ME3: variants seen among roughly 807,000 people sequenced by gnomAD.
The protein encoded by ME3 is malic enzyme 3.
A neutral mutation model predicts 68.9 loss-of-function variants in ME3; 48 were observed. That is an observed-to-expected ratio of 0.70 (90% CI 0.55 to 0.89). ME3 has a LOEUF of 0.89. Ranked by LOEUF, ME3 falls within the 40% of genes least tolerant of loss-of-function variation. The probability of loss-of-function intolerance (pLI) is 0.00; values close to 1 mark genes in which losing one functional copy is unlikely to be tolerated. For missense variants in ME3, 675 were observed against 797.4 expected, an observed-to-expected ratio of 0.85 and a Z score of 1.85; for synonymous variants, 320 against 318.8, an observed-to-expected ratio of 1.00 and a Z score of -0.04.
chr11:86,598,701 C>G (rs955474021), intron 2 of ME3, among the ~76,000 whole-genome samples: 2 of 152,332 alleles, frequency 1.3e-5, no homozygotes, highest in African/African-American at 2.4e-5. Context: ...AGGCACCCCC[C>G]AGTAGGGGCA....
At chr11:86,449,966 G>C (rs1411190562) in exon 10 of ME3, 12 of 1,614,060 alleles carry the variant, frequency 7.4e-6, no homozygotes, top group Non-Finnish European at 1.0e-5. Context: ...TCTTTCTCTA[G>C]GGCCATGACA....
At chr11:86,447,855 C>CCA (rs772055736) in intron 11 of ME3, among the ~76,000 whole-genome samples, 1 of 120,790 alleles carries the variant, frequency 8.3e-6, no homozygotes, top group African/African-American at 3.4e-5. Context: ...TAAACTCTGT[C>CCA]AAAAAAAAAA....
At chr11:86,514,029 G>A (rs1395738609) in intron 4 of ME3, among the ~76,000 whole-genome samples, 1 of 152,160 alleles carries the variant, frequency 6.6e-6, no homozygotes, top group Non-Finnish European at 1.5e-5. Flanking sequence ...CAGAGAGAGG[G>A]AGGTGAATGG....
chr11:86,647,216 G>A (rs1304636168), intron 2 of ME3, among the ~76,000 whole-genome samples: 1 of 152,212 alleles, frequency 6.6e-6, no homozygotes, highest in Non-Finnish European at 1.5e-5. Context: ...AACCTTAAAT[G>A]TAAATGGACT....
chr11:86,458,051 G>A (rs1196521140), intron 8 of ME3, among the ~76,000 whole-genome samples: 6 of 152,162 alleles, frequency 3.9e-5, no homozygotes, highest in Non-Finnish European at 2.9e-5. Context: ...GTCTGGCCAC[G>A]GTGGCTTTGG....
At chr11:86,507,623 CAGG>C (rs1432688544) in intron 5 of ME3, among the ~76,000 whole-genome samples, 1 of 152,184 alleles carries the variant, frequency 6.6e-6, no homozygotes, top group African/African-American at 2.4e-5. Context: ...ATCTCTATAG[CAGG>C]AGGAGATCTG....
intron 2 of ME3, among the ~76,000 whole-genome samples, chr11:86,595,747 A>T (rs1473517091): frequency 6.6e-6 from 1 of 152,216 alleles, no homozygotes; most frequent in Non-Finnish European, 1.5e-5. Context: ...ATGCTTCTGC[A>T]TATGGGTTGA....
intron 2 of ME3, among the ~76,000 whole-genome samples, chr11:86,646,651 T>C (rs1298004756): frequency 6.6e-6 from 1 of 152,228 alleles, no homozygotes; most frequent in Admixed American, 6.5e-5. Context: ...CAGGAGAACT[T>C]CCCCAACTTA....
At chr11:86,517,070 G>A (rs1212778452) in intron 4 of ME3, among the ~76,000 whole-genome samples, 1 of 150,858 alleles carries the variant, frequency 6.6e-6, no homozygotes, top group Non-Finnish European at 1.5e-5. Context: ...CCTGGAACAG[G>A]GTTAAAACTT....
At chr11:86,662,879 C>T (rs550604166) in intron 2 of ME3, among the ~76,000 whole-genome samples, 1 of 152,280 alleles carries the variant, frequency 6.6e-6, no homozygotes, top group South Asian at 2.1e-4. Flanking sequence ...TGACTGGAAC[C>T]CTAGCTCCAC....
intron 10 of ME3, among the ~76,000 whole-genome samples, chr11:86,449,065 A>T (rs1027251630): frequency 1.5e-4 from 23 of 152,232 alleles, no homozygotes; most frequent in Non-Finnish European, 8.8e-5. Flanking sequence ...TTTCAGCAGA[A>T]ATCTGGCCCC....
At chr11:86,504,109 T>C (rs1389038325) in intron 5 of ME3, among the ~76,000 whole-genome samples, 1 of 152,230 alleles carries the variant, frequency 6.6e-6, no homozygotes, top group Non-Finnish European at 1.5e-5. Context: ...TTTTCAACTC[T>C]GCTTTCTTGC....
chr11:86,447,264 C>T (rs1481161080), intron 11 of ME3, 57 bp from the exon 12 acceptor site: 7 of 1,581,398 alleles, frequency 4.4e-6, no homozygotes, highest in Non-Finnish European at 6.0e-6. Context: ...ACCCATTCCT[C>T]TTCTGCTGGT....
intron 4 of ME3, among the ~76,000 whole-genome samples, chr11:86,534,983 G>C (rs1955548628): frequency 3.3e-5 from 5 of 152,172 alleles, no homozygotes; most frequent in Admixed American, 3.3e-4. Flanking sequence ...GAGAGCTGGA[G>C]TCTAATTTTT....
chr11:86,627,375 C>G (rs1446957644), intron 2 of ME3, among the ~76,000 whole-genome samples: 1 of 152,156 alleles, frequency 6.6e-6, no homozygotes, highest in Non-Finnish European at 1.5e-5. Flanking sequence ...AGGACTGTTG[C>G]TGGATTTCCG....
intron 4 of ME3, among the ~76,000 whole-genome samples, chr11:86,540,150 AC>A: frequency 6.6e-6 from 1 of 152,374 alleles, no homozygotes; most frequent in East Asian, 1.9e-4. Flanking sequence ...CCTGTGGAAC[AC>A]AGGCCATACA....
chr11:86,447,615 G>A (rs1949386112), intron 11 of ME3, among the ~76,000 whole-genome samples: 1 of 152,034 alleles, frequency 6.6e-6, no homozygotes. Flanking sequence ...GGAGGCTGGG[G>A]GGCAGTGGGG....
chr11:86,621,963 A>G (rs1170792926), intron 2 of ME3, among the ~76,000 whole-genome samples: 1 of 152,046 alleles, frequency 6.6e-6, no homozygotes, highest in Non-Finnish European at 1.5e-5. Context: ...GTCCAGAGAT[A>G]ACAGGAAAGT....
At chr11:86,465,388 T>C (rs112485429) in intron 7 of ME3, among the ~76,000 whole-genome samples, 188 bp from the exon 8 acceptor site, 2 of 152,104 alleles carry the variant, frequency 1.3e-5, no homozygotes, top group African/African-American at 4.8e-5. Context: ...TGCCCTATCA[T>C]GGATGAGGAT....
Sources: gnomAD v4.1 joint callset for allele counts (sites outside exome capture counted in the v4.1 genomes callset) on GRCh38, gnomAD v4.1.1 for gene constraint, MANE v1.5 for transcripts, NCBI Gene and HGNC (gene_info 2026-07-23, HGNC 2026-07-21) for gene names.